Variants in SNTB1 observed in about 807,000 individuals in gnomAD.
SNTB1 encodes beta-1-syntrophin.
SNTB1 carries 36 observed loss-of-function variants against 48.9 expected under a neutral mutation model. The observed-to-expected ratio is 0.74, with a 90% CI of 0.56 to 0.97. The LOEUF (loss-of-function observed/expected upper bound fraction) is 0.97. SNTB1 is among the 50% of genes least tolerant of loss of function. SNTB1 has a pLI of 0.00. For synonymous variants in SNTB1, 299 were observed against 294.6 expected (o/e 1.01, Z -0.15); for missense variants, 786 against 703.4 (o/e 1.12, Z -1.33).
intron 2 of SNTB1, chr8:120,636,106 A>C (rs1817071487): frequency 2.6e-5 from 9 of 344,888 alleles, no homozygotes; most frequent in Non-Finnish European, 4.2e-5. Context: ...GAAGGCTGAG[A>C]AGTCCAGTGT....
At chr8:120,619,663 C>A (rs564351467) in intron 3 of SNTB1, among the ~76,000 whole-genome samples, 2 of 152,160 alleles carry the variant, frequency 1.3e-5, no homozygotes, top group African/African-American at 4.8e-5. Context: ...CTACCATTTA[C>A]GGTAGATCTT....
intron 5 of SNTB1, among the ~76,000 whole-genome samples, chr8:120,545,667 CTG>C (rs1316688746): frequency 2.6e-5 from 4 of 152,194 alleles, no homozygotes; most frequent in African/African-American, 9.7e-5. Context: ...GGGCTTTCTA[CTG>C]TGATGGAAAT....
intron 1 of SNTB1, among the ~76,000 whole-genome samples, chr8:120,748,662 A>C (rs1419140170): frequency 6.6e-6 from 1 of 152,234 alleles, no homozygotes; most frequent in Non-Finnish European, 1.5e-5. Context: ...AAGGAAAATA[A>C]AAAATGGAAA....
intron 1 of SNTB1, among the ~76,000 whole-genome samples, chr8:120,790,803 T>C (rs1051238006): frequency 4.0e-5 from 6 of 151,834 alleles, no homozygotes; most frequent in Non-Finnish European, 8.8e-5. Context: ...ATCATGAAAA[T>C]GGACATACTG....
At chr8:120,741,477 T>C (rs193014408) in intron 1 of SNTB1, among the ~76,000 whole-genome samples, 129 of 152,250 alleles carry the variant, frequency 8.5e-4, no homozygotes, top group African/African-American at 2.9e-3. Flanking sequence ...GGTCTGGTGG[T>C]GAGCCCCTGT....
chr8:120,667,345 C>T (rs1168151950), intron 2 of SNTB1, among the ~76,000 whole-genome samples: 4 of 152,072 alleles, frequency 2.6e-5, no homozygotes, highest in Admixed American at 2.6e-4. Context: ...CAGTAATGTA[C>T]CTGCCTCAAT....
chr8:120,776,617 A>C (rs563134300), intron 1 of SNTB1: 2 of 152,280 alleles, frequency 1.3e-5, no homozygotes, highest in Admixed American at 6.5e-5. Flanking sequence ...TACAACCAAA[A>C]TAAAACTTCG....
intron 2 of SNTB1, among the ~76,000 whole-genome samples, chr8:120,635,269 G>T (rs1319953742): frequency 6.6e-6 from 1 of 152,190 alleles, no homozygotes; most frequent in Non-Finnish European, 1.5e-5. Flanking sequence ...TCACTCTTCA[G>T]TAAAGCTGCA....
In SNTB1 at chr8:120,633,492, C is replaced by T. The variant is rs1220447577; in HGVS notation, c.789-841G>A. Among the ~76,000 whole-genome samples the T allele has an allele frequency of 2.6e-5, 4 of 152,162 alleles. No individual in the cohort carries two copies. The East Asian group carries it at 7.7e-4, about 29-fold the overall frequency. On this transcript the variant is annotated intron_variant, in intron 2 of 6. Coordinates refer to ENST00000517992, the MANE Select transcript of SNTB1 (RefSeq NM_021021.4). ...TGATGGCGGGTGCCTGTAGCCCCAG[C>T]TACTTGGAAGGCTGAGACTGGAGAA... is the stretch of plus-strand genomic sequence containing the variant.
intron 2 of SNTB1, among the ~76,000 whole-genome samples, chr8:120,644,731 T>A (rs1587058030): frequency 6.6e-6 from 1 of 150,744 alleles, no homozygotes; most frequent in Non-Finnish European, 1.5e-5. Context: ...CCCTGAGGAA[T>A]CACCACACTG....
chr8:120,640,398 A>G (rs1439953711), intron 2 of SNTB1, among the ~76,000 whole-genome samples: 1 of 152,216 alleles, frequency 6.6e-6, no homozygotes, highest in Non-Finnish European at 1.5e-5. Flanking sequence ...TGCCCTGGCC[A>G]GAAGTTCCAA....
At chr8:120,595,526 CA>C (rs766227452) in intron 3 of SNTB1, among the ~76,000 whole-genome samples, 4 of 152,036 alleles carry the variant, frequency 2.6e-5, no homozygotes, top group Non-Finnish European at 5.9e-5. Flanking sequence ...TAAAAATGGG[CA>C]ACCAGGAGCC....
intron 1 of SNTB1, among the ~76,000 whole-genome samples, chr8:120,765,157 G>A (rs114902796): frequency 0.039 from 5,998 of 152,214 alleles, 153 homozygotes; most frequent in South Asian, 0.08. Flanking sequence ...CCTGGGAGGC[G>A]GAGCTTGCAG....
chr8:120,590,676 TTTTCTTTTC>T lies in SNTB1; in HGVS notation c.997-15460_997-15452del, dbSNP rs1563825599. Among the ~76,000 whole-genome samples, 457 of 140,074 alleles carry T rather than the reference TTTTCTTTTC, an allele frequency of 3.3e-3. 4 individuals are homozygous for T. Among genetic ancestry groups the T allele is most frequent in the African/African-American group, 0.013 (440 of 33,228 alleles). 91.9% of individuals were successfully genotyped at this position (140,074 alleles called of 152,430 possible). ...TTATAGGTTTCTTTCTTTTGTTTTC[TTTTCTTTTC>T]TTTTTTTTTTTTTTTGAGACAGAGT... is the stretch of plus-strand genomic sequence containing the variant. On this transcript the variant is annotated intron_variant, in intron 3 of 6. Transcript: ENST00000517992.
chr8:120,627,556 T>C (rs1816904795), intron 3 of SNTB1, among the ~76,000 whole-genome samples: 1 of 152,228 alleles, frequency 6.6e-6, no homozygotes, highest in Non-Finnish European at 1.5e-5. Flanking sequence ...GAATGTCTTC[T>C]TGTTTTTCTT....
chr8:120,664,760 C>T (rs761590164), intron 2 of SNTB1, among the ~76,000 whole-genome samples: 15 of 152,170 alleles, frequency 9.9e-5, no homozygotes, highest in Non-Finnish European at 2.2e-4. Flanking sequence ...TGTATAGACA[C>T]ATAATTTCAT....
intron 2 of SNTB1, among the ~76,000 whole-genome samples, chr8:120,688,753 G>A (rs757077806): frequency 3.3e-4 from 50 of 152,182 alleles, no homozygotes; most frequent in Non-Finnish European, 4.3e-4. Context: ...AGAGGAGCTG[G>A]ACAATTACGG....
intron 2 of SNTB1, among the ~76,000 whole-genome samples, chr8:120,647,150 T>C (rs1362554770): frequency 1.4e-5 from 2 of 138,154 alleles, no homozygotes; most frequent in Non-Finnish European, 3.1e-5. Context: ...AAGGGTTTTT[T>C]GTGTCTCTAT....
intron 2 of SNTB1, among the ~76,000 whole-genome samples, chr8:120,649,834 G>C (rs1817380161): frequency 1.3e-5 from 2 of 152,024 alleles, no homozygotes; most frequent in Admixed American, 1.3e-4. Context: ...GTGGGCGTAG[G>C]ACCCTCTGAG....
Sources: allele counts gnomAD v4.1 joint callset (sites outside exome capture counted in the v4.1 genomes callset), GRCh38; gene constraint gnomAD v4.1.1; transcripts MANE v1.5; gene names NCBI Gene and HGNC (gene_info 2026-07-23, HGNC 2026-07-21).